Variants in ABCC10 observed in about 807,000 individuals in gnomAD.
ABCC10 encodes ATP-binding cassette sub-family C member 10.
A neutral mutation model predicts 143.2 loss-of-function variants in ABCC10; 110 were observed. That is an observed-to-expected ratio of 0.77 (90% CI 0.66 to 0.90). The LOEUF is 0.90. ABCC10 is among the 40% of genes least tolerant of loss of function. The pLI is 0.00. For synonymous variants in ABCC10, 805 were observed against 846.7 expected, an observed-to-expected ratio of 0.95 and a Z score of 0.85; for missense variants, 1,700 against 1,900.5, an observed-to-expected ratio of 0.89 and a Z score of 1.96.
In ABCC10 at chr6:43,433,115, G is replaced by A; in HGVS notation, c.1135G>A (p.Glu379Lys). 5.6e-6 allele frequency: 9 copies of A among 1,614,164 alleles called. No homozygotes were observed. The highest frequency in any genetic ancestry group is 1.1e-5 in the South Asian group (1 of 91,084). The change falls in exon 3 of 22, where the codon GAG becomes AAG. Residue 379 changes from glutamate to lysine, a missense_variant. By Grantham distance (56) the Glu-to-Lys change is moderately conservative. Transcript: ENST00000372530. ...QLGPSRPPTG[E>K]ALNLLGTDSE... ...GGGGCCCAGCCGCCCTCCTACTGGG[G>A]AGGCCCTGAACCTACTAGGCACTGA...
At chr6:43,429,386 G>GTGTT in intron 2 of ABCC10, among the ~76,000 whole-genome samples, 1 of 45,468 alleles carries the variant, frequency 2.2e-5, no homozygotes, top group South Asian at 9.3e-4. Context: ...GTGTGTGTGT[G>GTGTT]TGTGTGTGTG....
Position 43,446,675 on chromosome 6 carries a change from C to T in ABCC10, c.3544+229C>T, listed in dbSNP as rs189092633. 6 of 985,318 alleles carry T rather than the reference C, an allele frequency of 6.1e-6. No homozygotes were observed. The African/African-American group carries it at 8.7e-5, about 14-fold the overall frequency. 61.0% of individuals were successfully genotyped at this position (985,318 alleles called of 1,614,324 possible). On this transcript the variant is annotated intron_variant, in intron 16 of 21. Transcript: ENST00000372530. Reference sequence around the variant, plus strand: ...GGACTAGAATGAGTCTTCTGAGCTGCTGGTCTCAGTCCCTTCCCTGCTTCC... The same window carrying T: ...GGACTAGAATGAGTCTTCTGAGCTGTTGGTCTCAGTCCCTTCCCTGCTTCC...
rs1206501860 is a variant in ABCC10 at position 43,435,886 on chromosome 6, C to T, written c.1744C>T (p.Pro582Ser). The T allele has an allele frequency of 1.2e-6, 2 of 1,614,152 alleles. No homozygotes were observed. Among genetic ancestry groups the T allele is most frequent in the Admixed American group, 3.3e-5 (2 of 60,024 alleles). Residue 582 changes from proline (P) to serine (S), a missense_variant, in exon 5 of 22, where the codon CCC (proline) becomes TCC (serine). By Grantham distance (74) the Pro-to-Ser change is moderately conservative (BLOSUM62 -1). Transcript: ENST00000372530. ...TTTCCTCGACCTTCCAAACCACAACCCCCAGGCCTACTACAGCCCAGGTAA... is the reference window on the plus strand; with the variant it reads ...TTTCCTCGACCTTCCAAACCACAACTCCCAGGCCTACTACAGCCCAGGTAA... Reference protein sequence around the residue: ...QLFLDLPNHNPQAYYSPDPPA... With the variant: ...QLFLDLPNHNSQAYYSPDPPA...
In ABCC10 at chr6:43,445,666, C is replaced by G; in HGVS notation, c.3098C>G (p.Ala1033Gly). ...RILNRFSSDV[A>G]CADDSLPFIL... Reference sequence around the variant, plus strand: ...CTAAACCGCTTCTCCTCTGATGTGGCCTGTGCGGATGACAGCCTGCCCTTC... The same window carrying G: ...CTAAACCGCTTCTCCTCTGATGTGGGCTGTGCGGATGACAGCCTGCCCTTC... The change falls in exon 15 of 22, where the codon GCC becomes GGC. Residue 1033 changes from alanine (A) to glycine (G), a missense_variant. Transcript: ENST00000372530. 6.2e-7 allele frequency: 1 copy of G among 1,614,222 alleles called. No homozygotes were observed. The highest frequency in any genetic ancestry group is 1.1e-5 in the South Asian group (1 of 91,088).
chr6:43,438,754 A>G lies in ABCC10; in HGVS notation c.2086A>G (p.Lys696Glu). ...FGKTFDAQLYKEVLEACALND... is the reference protein window; with the variant it reads ...FGKTFDAQLYEEVLEACALND... ...GAAGACATTTGATGCACAGCTGTAC[A>G]AGGAGGTGCTAGAAGCCTGCGCCCT... is the stretch of plus-strand genomic sequence containing the variant. The change falls in exon 8 of 22, where the codon AAG becomes GAG. Residue 696 changes from lysine (K) to glutamate (E), a missense_variant. By Grantham distance (56) the Lys-to-Glu change is moderately conservative. Transcript: ENST00000372530. 1.2e-6 allele frequency: 2 copies of G among 1,614,198 alleles called. No homozygotes were observed. Among genetic ancestry groups the G allele is most frequent in the Non-Finnish European group, 8.5e-7 (1 of 1,180,028 alleles).
At chr6:43,441,449 C>T (rs959713997) in intron 8 of ABCC10, among the ~76,000 whole-genome samples, 1 of 151,800 alleles carries the variant, frequency 6.6e-6, no homozygotes, top group Admixed American at 6.6e-5. Flanking sequence ...GCACTCCAGC[C>T]TGGCGACAGA....
At chr6:43,437,561 A>G (rs1781884050) in intron 6 of ABCC10, among the ~76,000 whole-genome samples, 1 of 151,636 alleles carries the variant, frequency 6.6e-6, no homozygotes, top group African/African-American at 2.4e-5. Flanking sequence ...TAGCCAACCC[A>G]TCATCCAGGC....
intron 3 of ABCC10, among the ~76,000 whole-genome samples, 181 bp downstream of exon 3, chr6:43,433,541 A>G (rs2127385902): frequency 6.6e-6 from 1 of 152,326 alleles, no homozygotes; most frequent in East Asian, 1.9e-4. Context: ...ATCACTTCAG[A>G]CAAGTCACTT....
At chr6:43,449,378 G>A (rs1303877603) in intron 20 of ABCC10, 44 bp from the exon 21 acceptor site, 3 of 1,564,202 alleles carry the variant, frequency 1.9e-6, no homozygotes, top group South Asian at 2.3e-5. Flanking sequence ...CCACCCTGCA[G>A]CCTCTCCTTC....
At position 43,441,949 on chromosome 6, in the gene ABCC10, G is replaced by A. The variant is rs1238129729; in HGVS notation, c.2215G>A (p.Ala739Thr). ...GQRARIALAR[A>T]VYQEKELYLL... The stretch of plus-strand genomic sequence containing the variant: ...GCGTGCCCGGATTGCCCTTGCTCGT[G>A]CTGTCTACCAGGTCAGTTAAAGATG... Residue 739 changes from alanine (A) to threonine (T), a missense_variant, in exon 9 of 22, where the codon GCT becomes ACT. Coordinates refer to ENST00000372530, the MANE Select transcript of ABCC10 (RefSeq NM_001198934.2). 1.9e-6 allele frequency: 3 copies of A among 1,613,756 alleles called. No homozygotes were observed. Among genetic ancestry groups the A allele is most frequent in the Non-Finnish European group, 2.5e-6 (3 of 1,179,738 alleles).
Position 43,439,953 on chromosome 6 carries a change from G to A in ABCC10, c.2127+1158G>A, listed in dbSNP as rs562011215. ...AGATTTTATGTAAAAGCTTTTATAGGTTTTTACTTTTTCGTGTGTGTGAGA... is the reference window on the plus strand; with the variant it reads ...AGATTTTATGTAAAAGCTTTTATAGATTTTTACTTTTTCGTGTGTGTGAGA... On this transcript the variant is annotated intron_variant, in intron 8 of 21. Coordinates refer to ENST00000372530, the MANE Select transcript of ABCC10 (RefSeq NM_001198934.2). 3.8e-3 allele frequency among the ~76,000 whole-genome samples: 583 copies of A among 151,586 alleles called. 3 individuals carry two copies. The highest frequency in any genetic ancestry group is 4.6e-3 in the Non-Finnish European group (311 of 67,880).
chr6:43,446,271 C>G lies in ABCC10; in HGVS notation c.3375-6C>G. 1 of 1,612,022 alleles carries G rather than the reference C, an allele frequency of 6.2e-7. No individual in the cohort carries two copies. The highest frequency in any genetic ancestry group is 8.5e-7 in the Non-Finnish European group (1 of 1,178,694). On this transcript the variant is annotated splice_region_variant and splice_polypyrimidine_tract_variant and intron_variant, in intron 15 of 21. Transcript: ENST00000372530. Reference sequence around the variant, plus strand: ...AGTGGCTTCACATCCCTCTGGCCTTCCCTAGGTTTGAGGAGGAGAACCTGC... The same window carrying G: ...AGTGGCTTCACATCCCTCTGGCCTTGCCTAGGTTTGAGGAGGAGAACCTGC...
intron 8 of ABCC10, among the ~76,000 whole-genome samples, chr6:43,439,129 CAA>C (rs960177492): frequency 2.0e-5 from 3 of 152,048 alleles, no homozygotes; most frequent in Non-Finnish European, 4.4e-5. Flanking sequence ...TTGGAAGAGT[CAA>C]AGTTTCATTT....
intron 6 of ABCC10, among the ~76,000 whole-genome samples, chr6:43,437,340 C>T (rs1261575353): frequency 6.9e-6 from 1 of 145,698 alleles, no homozygotes; most frequent in African/African-American, 2.6e-5. Flanking sequence ...GCAGATAGAG[C>T]TTCTGAGAGC....
In ABCC10 at chr6:43,444,825, G is replaced by A. The variant is rs757134410; in HGVS notation, c.2727G>A (p.Trp909Ter). 1 of 1,611,990 alleles carries A rather than the reference G, an allele frequency of 6.2e-7. No homozygotes were observed. Among genetic ancestry groups the A allele is most frequent in the Admixed American group, 1.7e-5 (1 of 59,546 alleles). ...RNAADWWLSH[W>*]ISQLKAENSS... Reference sequence around the variant, plus strand: ...CTGCTGACTGGTGGCTCTCCCACTGGATCTCTCAGCTGAAGGCTGAGAATA... The same window carrying A: ...CTGCTGACTGGTGGCTCTCCCACTGAATCTCTCAGCTGAAGGCTGAGAATA... The change falls in exon 13 of 22, where the codon TGG becomes TGA. Residue 909 changes from tryptophan (W) to a stop codon, truncating the protein, a stop_gained. Coordinates refer to ENST00000372530, the MANE Select transcript of ABCC10 (RefSeq NM_001198934.2). LOFTEE classifies it high-confidence loss of function.
rs761768607 is a variant in ABCC10 at position 43,450,319 on chromosome 6, C to T, written c.*228C>T. 1.9e-4 allele frequency: 161 copies of T among 832,468 alleles called. No homozygotes were observed. Among genetic ancestry groups the T allele is most frequent in the Non-Finnish European group, 2.6e-4 (145 of 568,076 alleles). 51.6% of individuals were successfully genotyped at this position (832,468 alleles called of 1,614,324 possible). A position where few individuals can be genotyped will look rare whatever the true frequency, so the allele number is the denominator to read the frequency against. On this transcript the variant is annotated 3_prime_UTR_variant, in exon 22 of 22. Coordinates refer to ENST00000372530, the MANE Select transcript of ABCC10 (RefSeq NM_001198934.2). The surrounding 1 kb of genome is among the most constrained non-coding windows in gnomAD (Gnocchi z 4.5). Reference sequence around the variant, plus strand: ...TGCTCTGGCCCTCTTGCATCTGGAACGCCAGGTGGGTTTTTCTGGCATAGG... The same window carrying T: ...TGCTCTGGCCCTCTTGCATCTGGAATGCCAGGTGGGTTTTTCTGGCATAGG...
rs377195357 is a variant in ABCC10, at chr6:43,434,797, C to T, written c.1557C>T (p.Ile519=). The part of the protein sequence containing the change: ...LWAALPVVIS[I]VIFITYVLMG... ...CTGCCCTACCGGTTGTCATCTCCAT[C>T]GTTATCTTCATCACCTATGTCCTCA... Residue 519 remains isoleucine (I), a synonymous_variant, in exon 4 of 22, where the codon ATC becomes ATT. Transcript: ENST00000372530. 159 of 1,614,080 alleles carry T rather than the reference C, an allele frequency of 9.9e-5. No homozygotes were observed. Among genetic ancestry groups the T allele is most frequent in the African/African-American group, 1.7e-4 (13 of 74,926 alleles).
intron 14 of ABCC10, 49 bp from the exon 15 acceptor site, chr6:43,445,550 C>CCCTCTT: frequency 1.9e-6 from 3 of 1,567,704 alleles, no homozygotes; most frequent in Non-Finnish European, 2.6e-6. Context: ...GCCTGCCAAC[C>CCCTCTT]CCTCTTCTGC....
In ABCC10 at chr6:43,432,123, T is replaced by C; in HGVS notation, c.162-19T>C. 6.2e-7 allele frequency: 1 copy of C among 1,611,468 alleles called. No individual in the cohort carries two copies. The highest frequency in any genetic ancestry group is 1.7e-5 in the Admixed American group (1 of 59,898). ...GAGTCAGCCACGATGTGCCTCCTTGTCTTCCCCCTTGTCCCCAGGAGTCCA... is the reference window on the plus strand; with the variant it reads ...GAGTCAGCCACGATGTGCCTCCTTGCCTTCCCCCTTGTCCCCAGGAGTCCA... On this transcript the variant is annotated intron_variant, in intron 2 of 21. Coordinates refer to ENST00000372530, the MANE Select transcript of ABCC10 (RefSeq NM_001198934.2).
Sources: gnomAD v4.1 joint callset for allele counts (sites outside exome capture counted in the v4.1 genomes callset) on GRCh38, gnomAD v4.1.1 for gene constraint, Gnocchi (gnomAD v3.1) non-coding constraint, MANE v1.5 for transcripts, NCBI Gene and HGNC (gene_info 2026-07-23, HGNC 2026-07-21) for gene names.